Variants in CLSTN3 observed in about 807,000 individuals in gnomAD.
CLSTN3 encodes calsyntenin-3.
CLSTN3 carries 36 observed loss-of-function variants against 95.9 expected under a neutral mutation model. The observed-to-expected ratio is 0.38, with a 90% CI of 0.29 to 0.50. The LOEUF is 0.50. Ranked by LOEUF, CLSTN3 falls within the 20% of genes least tolerant of loss-of-function variation. The pLI, the probability that CLSTN3 is intolerant of heterozygous loss-of-function variation, is 0.95. For missense variants in CLSTN3, 1,084 were observed against 1,268.8 expected (o/e 0.85, Z 2.21); for synonymous variants, 481 against 504.0 (o/e 0.95, Z 0.61).
At chr12:7,153,618 C>A (rs992806939) in intron 16 of CLSTN3, among the ~76,000 whole-genome samples, 1 of 152,180 alleles carries the variant, frequency 6.6e-6, no homozygotes, top group Non-Finnish European at 1.5e-5. Context: ...CAAATAAACT[C>A]TTGAGGCCAG....
Position 7,150,486 on chromosome 12 carries a change from GT to G in CLSTN3, c.2246-57del. ...AGCTGGTGGGAGTCCAGGAGAGAGG[GT>G]CCTGCCCAGGTCCTGCCTCCACTGG... On this transcript the variant is annotated intron_variant, in intron 14 of 17. Coordinates refer to ENST00000266546, the MANE Select transcript of CLSTN3 (RefSeq NM_014718.4). The surrounding 1 kb of genome is among the most constrained non-coding windows in gnomAD (Gnocchi z 4.0). The G allele has an allele frequency of 2.4e-5, 38 of 1,571,656 alleles. No individual in the cohort carries two copies. Among genetic ancestry groups the G allele is most frequent in the Non-Finnish European group, 3.2e-5 (37 of 1,152,712 alleles).
chr12:7,154,539 T>A (rs768947291), intron 16 of CLSTN3, among the ~76,000 whole-genome samples: 3 of 152,120 alleles, frequency 2.0e-5, no homozygotes, highest in Non-Finnish European at 4.4e-5. Context: ...TAAGGTTGGT[T>A]GAGAAGAGCA....
Position 7,137,984 on chromosome 12 carries a change from G to C in CLSTN3, c.1240G>C (p.Val414Leu), listed in dbSNP as rs774043979. 6.2e-7 allele frequency: 1 copy of C among 1,613,918 alleles called. No individual in the cohort carries two copies. The highest frequency in any genetic ancestry group is 1.1e-5 in the South Asian group (1 of 91,078). Residue 414 changes from valine to leucine, a missense_variant, in exon 8 of 18, where the codon GTC (valine) becomes CTC (leucine). Coordinates refer to ENST00000266546, the MANE Select transcript of CLSTN3 (RefSeq NM_014718.4). The surrounding 1 kb of genome is among the most constrained non-coding windows in gnomAD (Gnocchi z 4.4). ...CGGCTTCTCTCACTACTCGCTGACTGTCCACGGCTGTAGGATTGCCTTCCT... is the reference window on the plus strand; with the variant it reads ...CGGCTTCTCTCACTACTCGCTGACTCTCCACGGCTGTAGGATTGCCTTCCT... Reference protein sequence around the residue: ...EDGFSHYSLTVHGCRIAFLYW... With the variant: ...EDGFSHYSLTLHGCRIAFLYW...
At position 7,130,543 on chromosome 12, in the gene CLSTN3, C is replaced by T. The variant is rs1318900413; in HGVS notation, c.-106C>T. 1 of 1,545,426 alleles carries T rather than the reference C, an allele frequency of 6.5e-7. No homozygotes were observed. The highest frequency in any genetic ancestry group is 8.7e-7 in the Non-Finnish European group (1 of 1,146,660). On this transcript the variant is annotated 5_prime_UTR_variant, in exon 1 of 18. Transcript: ENST00000266546. ...CCTTTCCGTCCCTGCCCTGCTGTAC[C>T]CCGCTCCTTGGAGACCCCCTGTATC...
intron 4 of CLSTN3, 66 bp downstream of exon 4, chr12:7,135,601 C>G: frequency 6.5e-7 from 1 of 1,534,502 alleles, no homozygotes; most frequent in Non-Finnish European, 9.0e-7. Context: ...CTCAGGACAA[C>G]CCAGGGTTGC....
chr12:7,134,600 G>A (rs1367620823), intron 3 of CLSTN3, among the ~76,000 whole-genome samples: 1 of 152,220 alleles, frequency 6.6e-6, no homozygotes, highest in Non-Finnish European at 1.5e-5. Context: ...CGCATGTGCG[G>A]GAGGCAGCAC....
In CLSTN3 at chr12:7,150,990, G is replaced by A; in HGVS notation, c.2454G>A (p.Gln818=). Residue 818 remains glutamine, a synonymous_variant, in exon 16 of 18, where the codon CAG becomes CAA. Coordinates refer to ENST00000266546, the MANE Select transcript of CLSTN3 (RefSeq NM_014718.4). This position sits in a 1 kb window ranked among gnomAD's most constrained non-coding sequence, Gnocchi z 4.0. ...AHPSHVLSSQ[Q]FLHRGHQPPP... ...CCAGCCACGTGCTCAGCTCCCAGCA[G>A]TTCCTGCACCGTGGTCACCAGCCCC... is the stretch of plus-strand genomic sequence containing the variant. 1 of 1,613,476 alleles carries A rather than the reference G, an allele frequency of 6.2e-7. No homozygotes were observed. The highest frequency in any genetic ancestry group is 8.5e-7 in the Non-Finnish European group (1 of 1,179,628).
chr12:7,155,001 G>A lies in CLSTN3; in HGVS notation c.2528-2488G>A, dbSNP rs143988163. ...CTGAGAGCCGTGATAGGAGCCAAACGCTATTTCATGAAAAGCCCTGGGAGT... is the reference window on the plus strand; with the variant it reads ...CTGAGAGCCGTGATAGGAGCCAAACACTATTTCATGAAAAGCCCTGGGAGT... On this transcript the variant is annotated intron_variant, in intron 16 of 17. Coordinates refer to ENST00000266546, the MANE Select transcript of CLSTN3 (RefSeq NM_014718.4). Among the ~76,000 whole-genome samples the A allele has an allele frequency of 4.6e-5, 7 of 152,256 alleles. No individual in the cohort carries two copies. The East Asian group carries it at 1.4e-3, about 29-fold the overall frequency.
rs1939386706 is a variant in CLSTN3, at chr12:7,135,350, A to G, written c.407A>G (p.Asn136Ser). The change falls in exon 4 of 18, where the codon AAC (asparagine) becomes AGC (serine). Residue 136 changes from asparagine (N) to serine (S), a missense_variant. By Grantham distance (46) the Asn-to-Ser change is conservative (BLOSUM62 1). Transcript: ENST00000266546. ...SHKATVHVRVNDVNEFAPVFV... is the reference protein window; with the variant it reads ...SHKATVHVRVSDVNEFAPVFV... The stretch of plus-strand genomic sequence containing the variant: ...AGGGCCACTGTGCATGTGCGGGTCA[A>G]CGATGTGAACGAGTTTGCCCCAGTG... 2 of 1,613,960 alleles carry G rather than the reference A, an allele frequency of 1.2e-6. No homozygotes were observed. Among genetic ancestry groups the G allele is most frequent in the South Asian group, 1.1e-5 (1 of 91,074 alleles).
chr12:7,142,821 T>C, intron 10 of CLSTN3, 48 bp from the exon 11 acceptor site: 1 of 1,519,748 alleles, frequency 6.6e-7, no homozygotes, highest in Non-Finnish European at 9.0e-7. Context: ...TCCTTTTCCA[T>C]CCTCCTCTCT....
intron 12 of CLSTN3, among the ~76,000 whole-genome samples, chr12:7,148,683 A>G (rs1392244712): frequency 6.6e-6 from 1 of 152,216 alleles, no homozygotes; most frequent in Non-Finnish European, 1.5e-5. Flanking sequence ...TAGGTACTCC[A>G]TAATCCTGGG....
Position 7,137,400 on chromosome 12 carries a change from A to C in CLSTN3, c.1210+290A>C. 2.7e-6 allele frequency: 1 copy of C among 376,640 alleles called. No homozygotes were observed. Among genetic ancestry groups the C allele is most frequent in the South Asian group, 3.6e-5 (1 of 27,914 alleles). 23.3% of individuals were successfully genotyped at this position (376,640 alleles called of 1,614,324 possible). ...TAGGCTGTCCCCACCCCCCATCTCCACCTCCATTAAAGCCCCTCCATTGCA... is the reference window on the plus strand; with the variant it reads ...TAGGCTGTCCCCACCCCCCATCTCCCCCTCCATTAAAGCCCCTCCATTGCA... On this transcript the variant is annotated intron_variant, in intron 7 of 17. Transcript: ENST00000266546. The surrounding 1 kb of genome is among the most constrained non-coding windows in gnomAD (Gnocchi z 4.4).
chr12:7,156,591 A>G (rs1245680288), intron 16 of CLSTN3: 2 of 456,570 alleles, frequency 4.4e-6, no homozygotes, highest in Non-Finnish European at 8.8e-6. Context: ...CAGGCTGGCA[A>G]AGGCCTGGCT....
chr12:7,143,733 C>G (rs1939572580), intron 12 of CLSTN3, among the ~76,000 whole-genome samples: 1 of 152,192 alleles, frequency 6.6e-6, no homozygotes, highest in South Asian at 2.1e-4. Context: ...CAAGCTCTTG[C>G]AAGGTCACGT....
intron 16 of CLSTN3, among the ~76,000 whole-genome samples, chr12:7,154,220 G>A (rs908415800): frequency 1.3e-5 from 2 of 152,148 alleles, no homozygotes; most frequent in African/African-American, 4.8e-5. Flanking sequence ...CAAATCTCGA[G>A]TGGTGTTGCA....
Position 7,136,201 on chromosome 12 carries a change from T to A in CLSTN3, c.743-5T>A. ...CCCATCACCCTCTCTGTCTCACCCA[T>A]GCAGGCTGGAACAAAAGGATCGAAT... On this transcript the variant is annotated splice_region_variant and splice_polypyrimidine_tract_variant and intron_variant, in intron 5 of 17. Coordinates refer to ENST00000266546, the MANE Select transcript of CLSTN3 (RefSeq NM_014718.4). 1.2e-6 allele frequency: 2 copies of A among 1,613,010 alleles called. No homozygotes were observed. The highest frequency in any genetic ancestry group is 1.1e-5 in the South Asian group (1 of 90,876).
At position 7,141,235 on chromosome 12, in the gene CLSTN3, C is replaced by G. The variant is rs1420705156; in HGVS notation, c.1324-7C>G. 1.2e-6 allele frequency: 2 copies of G among 1,613,482 alleles called. No individual in the cohort carries two copies. Among genetic ancestry groups the G allele is most frequent in the East Asian group, 2.2e-5 (1 of 44,864 alleles). ...GAGAGGCTCTTGCCCCTACCCTACTCTCCCAGGTCTGTGATGATGAGTGGC... is the reference window on the plus strand; with the variant it reads ...GAGAGGCTCTTGCCCCTACCCTACTGTCCCAGGTCTGTGATGATGAGTGGC... On this transcript the variant is annotated splice_region_variant and splice_polypyrimidine_tract_variant and intron_variant, in intron 8 of 17. Coordinates refer to ENST00000266546, the MANE Select transcript of CLSTN3 (RefSeq NM_014718.4). This position sits in a 1 kb window ranked among gnomAD's most constrained non-coding sequence, Gnocchi z 4.1.
intron 1 of CLSTN3, chr12:7,131,785 C>G (rs944055694): frequency 2.2e-6 from 1 of 456,438 alleles, no homozygotes; most frequent in African/African-American, 2.0e-5. Context: ...GCCTCCTGTG[C>G]ACCATCTTGT....
In CLSTN3 at chr12:7,149,826, G is replaced by C. The variant is rs1215549818; in HGVS notation, c.2245+133G>C. The C allele has an allele frequency of 5.0e-6, 4 of 795,420 alleles. No individual in the cohort carries two copies. The highest frequency in any genetic ancestry group is 5.8e-6 in the Non-Finnish European group (3 of 513,414). 49.3% of individuals were successfully genotyped at this position (795,420 alleles called of 1,614,324 possible). On this transcript the variant is annotated intron_variant, in intron 14 of 17. Coordinates refer to ENST00000266546, the MANE Select transcript of CLSTN3 (RefSeq NM_014718.4). The surrounding 1 kb of genome is among the most constrained non-coding windows in gnomAD (Gnocchi z 4.5). ...GTGCCGTTTTGCATTTTCCTAGCCT[G>C]GAAGATCCTCTGGCTTTGATTGTCC... is the stretch of plus-strand genomic sequence containing the variant.
Sources: gnomAD v4.1 joint callset for allele counts (sites outside exome capture counted in the v4.1 genomes callset) on GRCh38, gnomAD v4.1.1 for gene constraint, Gnocchi (gnomAD v3.1) non-coding constraint, MANE v1.5 for transcripts, NCBI Gene and HGNC (gene_info 2026-07-23, HGNC 2026-07-21) for gene names.